The following SEMA4D variants were observed in gnomAD, a reference collection of about 807,000 sequenced individuals.
SEMA4D encodes semaphorin 4D.
Under a neutral mutation model 74.8 loss-of-function variants are expected in SEMA4D, and 22 were observed. The ratio of observed to expected loss-of-function variants is 0.29; its 90% CI spans 0.21 to 0.42. The LOEUF (loss-of-function observed/expected upper bound fraction) is 0.42, where lower values mean the gene tolerates loss of function less well. Among genes scored for constraint, SEMA4D ranks in the 10% least tolerant of loss-of-function variants. The pLI is 1.00. For missense variants in SEMA4D, 937 were observed against 1,118.4 expected, an observed-to-expected ratio of 0.84 and a Z score of 2.31; for synonymous variants, 445 against 463.7, an observed-to-expected ratio of 0.96 and a Z score of 0.52.
In SEMA4D at chr9:89,381,708, C is replaced by G. The variant is rs998017415; in HGVS notation, c.1447-362G>C. 2.2e-5 allele frequency: 4 copies of G among 181,006 alleles called. No individual in the cohort carries two copies. Among genetic ancestry groups the G allele is most frequent in the African/African-American group, 9.4e-5 (4 of 42,504 alleles). The allele number at this position is 181,006 out of a possible 1,614,324, so 11.2% of individuals were successfully genotyped here. ...CTCCCTGCAGCAGAGGATGCATGAGCCTGGCACTCCCGGTCATCTTCCCGG... is the reference window on the plus strand; with the variant it reads ...CTCCCTGCAGCAGAGGATGCATGAGGCTGGCACTCCCGGTCATCTTCCCGG... On this transcript the variant is annotated intron_variant, in intron 13 of 15. Transcript: ENST00000422704. This position sits in a 1 kb window ranked among gnomAD's most constrained non-coding sequence, Gnocchi z 4.6.
intron 6 of SEMA4D, among the ~76,000 whole-genome samples, chr9:89,395,247 G>C (rs1312700770): frequency 6.6e-6 from 1 of 152,060 alleles, no homozygotes; most frequent in Non-Finnish European, 1.5e-5. Flanking sequence ...CCAACATGGA[G>C]AAACCCCATC....
chr9:89,480,525 C>T (rs1396656951), intron 1 of SEMA4D, among the ~76,000 whole-genome samples: 12 of 152,214 alleles, frequency 7.9e-5, no homozygotes, highest in Non-Finnish European at 5.9e-5. Flanking sequence ...GGGTGGGAGG[C>T]TCAGGCATGG....
intron 16 of SEMA4D, among the ~76,000 whole-genome samples, chr9:89,370,354 GTGGTGTA>G (rs1834372602): frequency 7.7e-6 from 1 of 130,148 alleles, no homozygotes; most frequent in African/African-American, 3.2e-5. Flanking sequence ...GGTGTATATT[GTGGTGTA>G]TCTGTACGTA....
intron 6 of SEMA4D, 77 bp downstream of exon 6, chr9:89,396,660 C>T (rs1564615424): frequency 1.7e-5 from 20 of 1,204,558 alleles, no homozygotes; most frequent in South Asian, 6.5e-5. Context: ...GACAGCTTTA[C>T]GTCTGCTTTG....
chr9:89,431,381 G>C (rs1158995179), intron 2 of SEMA4D, among the ~76,000 whole-genome samples: 1 of 152,250 alleles, frequency 6.6e-6, no homozygotes, highest in Non-Finnish European at 1.5e-5. Flanking sequence ...CTAATTCTGG[G>C]AGGTGGAATT....
Position 89,387,517 on chromosome 9 carries a change from A to G in SEMA4D, c.1199T>C (p.Met400Thr), listed in dbSNP as rs745736837. 48 of 1,614,096 alleles carry G rather than the reference A, an allele frequency of 3.0e-5. No homozygotes were observed. Among genetic ancestry groups the G allele is most frequent in the Non-Finnish European group, 3.6e-5 (42 of 1,180,042 alleles). Residue 400 changes from methionine (M) to threonine (T), a missense_variant, in exon 12 of 16, where the codon ATG becomes ACG. Met to Thr is a moderately conservative substitution (Grantham distance 81). Coordinates refer to ENST00000422704, the MANE Select transcript of SEMA4D (RefSeq NM_001371194.2). ...GTCTATTGGGGTTACCGAGTCATCC[A>G]TCAAAGGGTGGTCTTTAACGAACTG... ...TLQFVKDHPL[M>T]DDSVTPIDNR...
In SEMA4D at chr9:89,391,779, A is replaced by G. The variant is rs1839928236; in HGVS notation, c.623-364T>C. ...ACGTAAGGCATGCATTTGCTGGTTT[A>G]AACAACACATGCTTCACATAAACAA... On this transcript the variant is annotated intron_variant, in intron 8 of 15. Transcript: ENST00000422704. Among the ~76,000 whole-genome samples, 3 of 152,210 alleles carry G rather than the reference A, an allele frequency of 2.0e-5. No individual in the cohort carries two copies. In the South Asian group the frequency reaches 6.2e-4, roughly 31 times the overall value.
intron 2 of SEMA4D, among the ~76,000 whole-genome samples, chr9:89,441,449 G>A (rs1383272682): frequency 2.0e-5 from 3 of 152,268 alleles, no homozygotes; most frequent in Non-Finnish European, 4.4e-5. Flanking sequence ...AGGGGATGTG[G>A]CCGAGGTGAT....
chr9:89,457,375 A>C (rs1441977494), intron 1 of SEMA4D, among the ~76,000 whole-genome samples: 1 of 152,244 alleles, frequency 6.6e-6, no homozygotes, highest in African/African-American at 2.4e-5. Context: ...TTCCAAGTCC[A>C]TCAGTGGCTG....
At chr9:89,472,728 T>C (rs927000798) in intron 1 of SEMA4D, 2 of 157,408 alleles carry the variant, frequency 1.3e-5, no homozygotes, top group Admixed American at 1.3e-4. Context: ...CTTCCCCTTT[T>C]CCCCCATTCA....
At position 89,421,589 on chromosome 9, in the gene SEMA4D, C is replaced by T. The variant is rs12115830; in HGVS notation, c.-243-15890G>A. 5.9e-3 allele frequency among the ~76,000 whole-genome samples: 899 copies of T among 152,240 alleles called. 8 individuals carry two copies. The highest frequency in any genetic ancestry group is 0.021 in the African/African-American group (855 of 41,526). The stretch of plus-strand genomic sequence containing the variant: ...ACCCAGAAGTCCACCAGTGTGTGTG[C>T]GTCTATGTGCATGGGTACACACAGA... On this transcript the variant is annotated intron_variant, in intron 2 of 15. Transcript: ENST00000422704.
intron 1 of SEMA4D, among the ~76,000 whole-genome samples, chr9:89,493,497 C>T (rs1825781472): frequency 6.6e-6 from 1 of 152,216 alleles, no homozygotes; most frequent in Admixed American, 6.5e-5. Context: ...CCTAAACTCA[C>T]AGTGAGAACC....
intron 15 of SEMA4D, among the ~76,000 whole-genome samples, chr9:89,380,743 G>A (rs1417850934): frequency 6.6e-6 from 1 of 152,150 alleles, no homozygotes; most frequent in African/African-American, 2.4e-5. Flanking sequence ...TCACTCATGG[G>A]CTCCTTTCTC....
chr9:89,363,416 C>G (rs984081169), intron 18 of SEMA4D: 1 of 1,610,426 alleles, frequency 6.2e-7, no homozygotes, highest in South Asian at 1.1e-5. Flanking sequence ...CTTTGCCCGG[C>G]TGCGGCCACT....
chr9:89,466,413 C>T (rs1238766331), intron 1 of SEMA4D, among the ~76,000 whole-genome samples: 1 of 152,120 alleles, frequency 6.6e-6, no homozygotes, highest in African/African-American at 2.4e-5. Context: ...CCTTTCCCTT[C>T]CGGCTTTCCC....
At position 89,413,736 on chromosome 9, in the gene SEMA4D, A is replaced by G. The variant is rs146827460; in HGVS notation, c.-243-8037T>C. Among the ~76,000 whole-genome samples, 33 of 152,348 alleles carry G rather than the reference A, an allele frequency of 2.2e-4. 1 individual carries two copies. The East Asian group carries it at 3.5e-3, about 16-fold the overall frequency. ...ATCTGTGTATGTGTGTGTATAATGTATGTGTGCACCTGTGCATGTCTGCCT... is the reference window on the plus strand; with the variant it reads ...ATCTGTGTATGTGTGTGTATAATGTGTGTGTGCACCTGTGCATGTCTGCCT... On this transcript the variant is annotated intron_variant, in intron 2 of 15. Coordinates refer to ENST00000422704, the MANE Select transcript of SEMA4D (RefSeq NM_001371194.2).
At chr9:89,405,900 T>G in intron 2 of SEMA4D, 1 of 1,210,522 alleles carries the variant, frequency 8.3e-7, no homozygotes, top group East Asian at 3.4e-5. Flanking sequence ...TCTTCAGGAG[T>G]CAGTGCTTCC....
At chr9:89,400,329 A>C (rs1157844842) in intron 4 of SEMA4D, among the ~76,000 whole-genome samples, 1 of 152,258 alleles carries the variant, frequency 6.6e-6, no homozygotes, top group Non-Finnish European at 1.5e-5. Context: ...TTCTATATCT[A>C]TCTCTGCCTC....
At chr9:89,459,430 C>A (rs548672465) in intron 1 of SEMA4D, among the ~76,000 whole-genome samples, 3 of 152,190 alleles carry the variant, frequency 2.0e-5, no homozygotes, top group African/African-American at 7.2e-5. Flanking sequence ...AAGTCCCTGG[C>A]TCTCCTGAGG....
Sources: gnomAD v4.1 joint callset for allele counts (sites outside exome capture counted in the v4.1 genomes callset) on GRCh38, gnomAD v4.1.1 for gene constraint, Gnocchi (gnomAD v3.1) non-coding constraint, MANE v1.5 for transcripts, NCBI Gene and HGNC (gene_info 2026-07-23, HGNC 2026-07-21) for gene names.